Variants in CSMD3 observed in about 807,000 individuals in gnomAD.
CSMD3 encodes CUB and Sushi multiple domains 3, also known as CUB and sushi domain-containing protein 3.
Under a neutral mutation model 435.2 loss-of-function variants are expected in CSMD3, and 177 were observed. That is an observed-to-expected ratio of 0.41 (90% CI 0.36 to 0.46). The LOEUF (loss-of-function observed/expected upper bound fraction) is 0.46, where lower values mean the gene tolerates loss of function less well. CSMD3 is among the 20% of genes least tolerant of loss of function. CSMD3 has a pLI of 0.34. For missense variants in CSMD3, 4,265 were observed against 4,504.6 expected (o/e 0.95, Z 1.52); for synonymous variants, 1,656 against 1,520.5 (o/e 1.09, Z -2.07).
rs529654306 is a variant in CSMD3, at chr8:113,221,138, A to G, written c.515-47222T>C. ...GGATCTTGTACTGGAGATTTAAAAA[A>G]TGCAAAGAAGGGCATTATTGTGTCA... is the stretch of plus-strand genomic sequence containing the variant. On this transcript the variant is annotated intron_variant, in intron 3 of 70. Transcript: ENST00000297405. 1.4e-4 allele frequency among the ~76,000 whole-genome samples: 21 copies of G among 151,470 alleles called. 1 individual carries two copies. The South Asian group carries it at 3.5e-3, about 25-fold the overall frequency.
chr8:113,342,855 C>G (rs1437920254), intron 1 of CSMD3, among the ~76,000 whole-genome samples: 1 of 151,572 alleles, frequency 6.6e-6, no homozygotes, highest in Non-Finnish European at 1.5e-5. Context: ...TCTGTACATA[C>G]TGTTATTATA....
At chr8:113,154,442 A>C (rs1471417059) in intron 4 of CSMD3, among the ~76,000 whole-genome samples, 2 of 152,004 alleles carry the variant, frequency 1.3e-5, no homozygotes, top group Non-Finnish European at 2.9e-5. Context: ...ACCTTTGAAA[A>C]CAATGTGTTT....
intron 31 of CSMD3, among the ~76,000 whole-genome samples, chr8:112,482,690 C>A (rs1586470593): frequency 6.6e-6 from 1 of 151,802 alleles, no homozygotes; most frequent in South Asian, 2.1e-4. Context: ...ATGATGAAAA[C>A]CTTTTACTAT....
At chr8:112,533,103 C>G (rs1825697969) in intron 27 of CSMD3, among the ~76,000 whole-genome samples, 1 of 151,772 alleles carries the variant, frequency 6.6e-6, no homozygotes, top group Non-Finnish European at 1.5e-5. Flanking sequence ...AATCACAAAA[C>G]ATAGACTTAT....
At chr8:112,320,418 T>A (rs1822882979) in intron 45 of CSMD3, among the ~76,000 whole-genome samples, 1 of 152,190 alleles carries the variant, frequency 6.6e-6, no homozygotes, top group Admixed American at 6.6e-5. Context: ...CAGACAGTAT[T>A]ATAAATACTT....
chr8:112,570,541 C>G (rs1829419355), intron 24 of CSMD3, among the ~76,000 whole-genome samples: 1 of 152,074 alleles, frequency 6.6e-6, no homozygotes, highest in African/African-American at 2.4e-5. Context: ...TAGAAAGTAG[C>G]CTGGGCACAG....
rs908811711 is a variant in CSMD3, at chr8:112,510,467, T to TC, written c.4757-3639dup. On this transcript the variant is annotated intron_variant, in intron 28 of 70. Transcript: ENST00000297405. ...GTTTCTTCTTCCTGAAATGCCTGTT[T>TC]CCCTTCTACATTTATATAACTCTAA... 4.6e-5 allele frequency among the ~76,000 whole-genome samples: 7 copies of TC among 152,330 alleles called. No homozygotes were observed. The South Asian group carries it at 1.2e-3, about 27-fold the overall frequency.
intron 1 of CSMD3, among the ~76,000 whole-genome samples, chr8:113,421,136 T>A (rs921940821): frequency 1.1e-4 from 17 of 152,024 alleles, no homozygotes; most frequent in Non-Finnish European, 2.1e-4. Context: ...TCCAAATTTC[T>A]GAGACCAAAA....
chr8:113,322,932 G>A (rs2093958849), intron 1 of CSMD3, among the ~76,000 whole-genome samples: 1 of 152,018 alleles, frequency 6.6e-6, no homozygotes, highest in African/African-American at 2.4e-5. Context: ...TTTAAGTAGA[G>A]ACAAGGTTTC....
At chr8:112,714,981 T>C (rs905788508) in intron 13 of CSMD3, among the ~76,000 whole-genome samples, 11 of 152,066 alleles carry the variant, frequency 7.2e-5, no homozygotes, top group African/African-American at 2.7e-4. Context: ...TAGAAAGATC[T>C]TAAATCAACA....
At chr8:112,452,255 G>A (rs1286834153) in intron 32 of CSMD3, among the ~76,000 whole-genome samples, 1 of 152,068 alleles carries the variant, frequency 6.6e-6, no homozygotes, top group Non-Finnish European at 1.5e-5. Flanking sequence ...TTCAGTACTG[G>A]ATTCTAGTTT....
intron 35 of CSMD3, among the ~76,000 whole-genome samples, chr8:112,401,580 G>A (rs1831348308): frequency 6.6e-6 from 1 of 151,964 alleles, no homozygotes; most frequent in Admixed American, 6.6e-5. Context: ...TTTATTTTAT[G>A]TTAAAAAATT....
chr8:113,118,967 G>T (rs1388568230), intron 4 of CSMD3, among the ~76,000 whole-genome samples: 3 of 152,120 alleles, frequency 2.0e-5, no homozygotes, highest in Admixed American at 6.5e-5. Context: ...TACAAAATAA[G>T]AGTAGTAAGA....
Position 112,234,411 on chromosome 8 carries a change from G to A in CSMD3, c.10694C>T (p.Ala3565Val). The change falls in exon 68 of 71, where the codon GCT becomes GTT. Residue 3565 changes from alanine (A) to valine (V), a missense_variant. Ala to Val is a moderately conservative substitution (Grantham distance 64). Around this residue, in one of 3 missense-constraint regions of CSMD3, gnomAD observed 3,255 missense variants for 3,380.2 expected, o/e 0.96. Transcript: ENST00000297405. ...TTCTTCCTTCATTTTCTTCACAGAA[G>A]CATGAGCAGGTACTTTAATAAGATA... ...RIYLIKVPAH[A>V]SVKKMKEENW... The A allele has an allele frequency of 1.2e-6, 2 of 1,613,260 alleles. No homozygotes were observed. The highest frequency in any genetic ancestry group is 1.7e-6 in the Non-Finnish European group (2 of 1,179,580).
chr8:112,995,867 A>G (rs560875305), intron 6 of CSMD3, among the ~76,000 whole-genome samples: 39 of 151,596 alleles, frequency 2.6e-4, no homozygotes, highest in African/African-American at 9.4e-4. Flanking sequence ...GACCTATTGA[A>G]AAATCATATT....
chr8:112,371,630 G>T (rs1828400089), intron 38 of CSMD3, among the ~76,000 whole-genome samples: 1 of 152,150 alleles, frequency 6.6e-6, no homozygotes, highest in Admixed American at 6.6e-5. Flanking sequence ...TGGGTCACAC[G>T]TGTAATCCCA....
intron 10 of CSMD3, among the ~76,000 whole-genome samples, chr8:112,879,106 A>G (rs2081374072): frequency 6.6e-6 from 1 of 152,148 alleles, no homozygotes; most frequent in Non-Finnish European, 1.5e-5. Flanking sequence ...GGATCTGGGC[A>G]GGACAGAGAC....
At chr8:112,642,096 C>A (rs901070787) in intron 20 of CSMD3, among the ~76,000 whole-genome samples, 1 of 151,556 alleles carries the variant, frequency 6.6e-6, no homozygotes, top group Non-Finnish European at 1.5e-5. Context: ...ATATATATAT[C>A]TGTATGACTT....
intron 10 of CSMD3, among the ~76,000 whole-genome samples, chr8:112,871,647 A>AG (rs1290877173): frequency 6.6e-6 from 1 of 152,090 alleles, no homozygotes; most frequent in African/African-American, 2.4e-5. Flanking sequence ...TCACACACAC[A>AG]GAAAAAAAAC....
Sources: gnomAD v4.1 joint callset for allele counts (sites outside exome capture counted in the v4.1 genomes callset) on GRCh38, gnomAD v4.1.1 for gene constraint, gnomAD v4.1.1 regional missense constraint, MANE v1.5 for transcripts, NCBI Gene and HGNC (gene_info 2026-07-23, HGNC 2026-07-21) for gene names.